Variants in NBAS observed in about 807,000 individuals in gnomAD.
NBAS encodes the protein NAG/BC035112 fusion.
In NBAS, 219 loss-of-function variants were observed where a neutral mutation model predicts 302.5. That is an observed-to-expected ratio of 0.72 (90% confidence interval 0.65 to 0.81). NBAS has a LOEUF of 0.81. Among genes scored for constraint, NBAS ranks in the 30% least tolerant of loss-of-function variants. NBAS has a pLI of 0.00. For missense variants in NBAS, 2,932 were observed against 2,841.6 expected, an observed-to-expected ratio of 1.03 and a Z score of -0.72; for synonymous variants, 1,118 against 1,021.6, an observed-to-expected ratio of 1.09 and a Z score of -1.80.
chr2:14,853,941 A>C, the NBAS span, among the ~76,000 whole-genome samples: 1 of 96,592 alleles, frequency 1.0e-5, no homozygotes, highest in East Asian at 3.6e-4. Context: ...GGGAGGGGGG[A>C]GGGATAGCAT....
At chr2:15,468,315 A>C in intron 17 of NBAS, 67 bp downstream of exon 17, 1 of 1,569,508 alleles carries the variant, frequency 6.4e-7, no homozygotes, top group Non-Finnish European at 8.8e-7. Context: ...TACCCAGTCC[A>C]ATGTCTCAGT....
intron 38 of NBAS, among the ~76,000 whole-genome samples, chr2:15,324,224 A>G (rs1470795809): frequency 6.6e-6 from 1 of 152,204 alleles, no homozygotes; most frequent in Admixed American, 6.5e-5. Context: ...ATATTCTTCT[A>G]CTTGAAATCC....
At position 15,542,232 on chromosome 2, in the gene NBAS, T is replaced by C. The variant is rs1421119433; in HGVS notation, c.380-2876A>G. Among the ~76,000 whole-genome samples, 37 of 87,544 alleles carry C rather than the reference T, an allele frequency of 4.2e-4. 1 individual carries two copies. The highest frequency in any genetic ancestry group is 8.2e-4 in the Non-Finnish European group (31 of 37,754). 57.4% of individuals were successfully genotyped at this position (87,544 alleles called of 152,430 possible). A position where few individuals can be genotyped will look rare whatever the true frequency, so the allele number is the denominator to read the frequency against. On this transcript the variant is annotated intron_variant, in intron 6 of 51. Coordinates refer to ENST00000281513, the MANE Select transcript of NBAS (RefSeq NM_015909.4). The stretch of plus-strand genomic sequence containing the variant: ...ATTGAGAAATCGGATGGTTGCCGTG[T>C]CTGTGTAGAAAGAAGTAGACATGGG...
At chr2:15,000,413 G>C in the NBAS span, among the ~76,000 whole-genome samples, 3 of 152,172 alleles carry the variant, frequency 2.0e-5, no homozygotes, top group African/African-American at 4.8e-5. Context: ...CAATGTCTTA[G>C]AGAAGATGGG....
chr2:15,326,988 C>A (rs143361460), intron 38 of NBAS, among the ~76,000 whole-genome samples: 2 of 152,082 alleles, frequency 1.3e-5, no homozygotes, highest in African/African-American at 4.8e-5. Flanking sequence ...TACATAGGAA[C>A]GTGCTCAGTT....
chr2:15,198,272 C>A (rs566791617), intron 48 of NBAS, among the ~76,000 whole-genome samples: 15 of 152,278 alleles, frequency 9.9e-5, no homozygotes, highest in African/African-American at 3.4e-4. Flanking sequence ...CACTTTAATA[C>A]ACAAGTACCT....
At chr2:15,479,527 C>T (rs193037774) in intron 12 of NBAS, among the ~76,000 whole-genome samples, 8 of 152,258 alleles carry the variant, frequency 5.3e-5, no homozygotes, top group Non-Finnish European at 1.2e-4. Context: ...AGTAAAAAAC[C>T]TTAAGCCCCT....
At chr2:14,935,843 T>C in the NBAS span, among the ~76,000 whole-genome samples, 1 of 152,186 alleles carries the variant, frequency 6.6e-6, no homozygotes, top group African/African-American at 2.4e-5. Flanking sequence ...TTTTCCATTC[T>C]TATTTCCCCA....
At chr2:15,449,743 C>A (rs935549722) in intron 21 of NBAS, among the ~76,000 whole-genome samples, 26 of 152,200 alleles carry the variant, frequency 1.7e-4, no homozygotes, top group African/African-American at 6.0e-4. Flanking sequence ...TTAGCTGATA[C>A]AACCACAAGG....
chr2:15,068,044 T>C, the NBAS span, among the ~76,000 whole-genome samples: 110,585 of 152,090 alleles, frequency 0.73, 40,532 homozygotes, highest in East Asian at 0.9. Context: ...TCCAATTACT[T>C]CTAGAATTGT....
At chr2:15,529,456 G>A (rs187374427) in intron 9 of NBAS, among the ~76,000 whole-genome samples, 1 of 152,120 alleles carries the variant, frequency 6.6e-6, no homozygotes, top group East Asian at 1.9e-4. Flanking sequence ...TCACGCACTG[G>A]ACTCCAGCGC....
chr2:14,871,185 T>A, the NBAS span, among the ~76,000 whole-genome samples: 1 of 149,942 alleles, frequency 6.7e-6, no homozygotes, highest in Admixed American at 6.6e-5. Flanking sequence ...ATACCTATAA[T>A]TGGAGATTCT....
intron 28 of NBAS, among the ~76,000 whole-genome samples, chr2:15,391,162 GA>G (rs1456880830): frequency 6.6e-6 from 1 of 151,836 alleles, no homozygotes; most frequent in African/African-American, 2.4e-5. Flanking sequence ...GACAGATAAT[GA>G]AGAAAAAATT....
At chr2:15,199,019 C>T (rs1665751148) in intron 48 of NBAS, among the ~76,000 whole-genome samples, 1 of 147,764 alleles carries the variant, frequency 6.8e-6, no homozygotes, top group Non-Finnish European at 1.5e-5. Context: ...CCCAGCTACT[C>T]GGGAGGCTGA....
In NBAS at chr2:15,314,081, T is replaced by TTAAAA. The variant is rs201481499; in HGVS notation, c.4583-4835_4583-4834insTTTTA. Among the ~76,000 whole-genome samples the TTAAAA allele has an allele frequency of 5.9e-3, 895 of 152,252 alleles. 14 individuals are homozygous for TTAAAA. The highest frequency in any genetic ancestry group is 0.021 in the African/African-American group (869 of 41,544). On this transcript the variant is annotated intron_variant, in intron 38 of 51. Coordinates refer to ENST00000281513, the MANE Select transcript of NBAS (RefSeq NM_015909.4). ...AAAACAAGTATTAAAAGGCCGGGCA[T>TTAAAA]GGTGGCTCATGCCTGTAATCCCAGC...
intron 35 of NBAS, among the ~76,000 whole-genome samples, chr2:15,342,883 T>C (rs1005637429): frequency 4.0e-5 from 6 of 151,804 alleles, no homozygotes; most frequent in African/African-American, 1.5e-4. Context: ...ATTATTTCTG[T>C]AACTAAAGAA....
intron 32 of NBAS, among the ~76,000 whole-genome samples, chr2:15,362,775 C>T (rs1027874458): frequency 6.6e-6 from 1 of 152,082 alleles, no homozygotes; most frequent in Non-Finnish European, 1.5e-5. Flanking sequence ...GCTACAAGCT[C>T]TAATCTGGGT....
chr2:14,965,456 A>G, the NBAS span, among the ~76,000 whole-genome samples: 4 of 152,234 alleles, frequency 2.6e-5, no homozygotes, highest in Non-Finnish European at 4.4e-5. Context: ...AAAGACACGC[A>G]CTATCAAAGT....
At chr2:14,791,098 A>C in the NBAS span, among the ~76,000 whole-genome samples, 3 of 151,814 alleles carry the variant, frequency 2.0e-5, no homozygotes, top group African/African-American at 7.3e-5. Context: ...TAGGTGATCC[A>C]CCCGCCTTGG....
Sources: gnomAD v4.1 joint callset for allele counts (sites outside exome capture counted in the v4.1 genomes callset) on GRCh38, gnomAD v4.1.1 for gene constraint, MANE v1.5 for transcripts, NCBI Gene and HGNC (gene_info 2026-07-23, HGNC 2026-07-21) for gene names.